USP33: variants seen among roughly 807,000 people sequenced by gnomAD.
USP33 encodes the protein ubiquitin specific peptidase 33.
A neutral mutation model predicts 124.2 loss-of-function variants in USP33; 46 were observed. The observed-to-expected ratio is 0.37, with a 90% CI of 0.29 to 0.47. USP33 has a LOEUF of 0.47. Among genes scored for constraint, USP33 ranks in the 20% least tolerant of loss-of-function variants. USP33 has a pLI of 0.99. For missense variants in USP33, 851 were observed against 1,070.6 expected (o/e 0.79, Z 2.86); for synonymous variants, 350 against 352.3 (o/e 0.99, Z 0.07).
chr1:77,714,969 ATCT>A, intron 18 of USP33, 186 bp from the exon 19 acceptor site: 1 of 568,518 alleles, frequency 1.8e-6, no homozygotes, highest in Non-Finnish European at 3.0e-6. Context: ...ATGAAACTGT[ATCT>A]TACCTACAGG....
chr1:77,718,149 T>G, intron 16 of USP33, 102 bp from the exon 17 acceptor site: 1 of 980,424 alleles, frequency 1.0e-6, no homozygotes, highest in Non-Finnish European at 1.5e-6. Flanking sequence ...AGCAAGAAAC[T>G]GAGGTGTTCA....
chr1:77,700,518 A>C (rs1443464336), intron 22 of USP33, among the ~76,000 whole-genome samples: 1 of 152,140 alleles, frequency 6.6e-6, no homozygotes, highest in Non-Finnish European at 1.5e-5. Context: ...TGGAGGTAGG[A>C]GGATCGCATG....
chr1:77,759,351 C>G (rs1476666983), intron 1 of USP33: 1 of 371,878 alleles, frequency 2.7e-6, no homozygotes, highest in East Asian at 3.9e-5. Flanking sequence ...GGCTCACCTG[C>G]ACCTCCCGCT....
At position 77,696,585 on chromosome 1, in the gene USP33, T is replaced by A. The variant is rs2101136262; in HGVS notation, c.*732A>T. On this transcript the variant is annotated 3_prime_UTR_variant, in exon 24 of 24. Coordinates refer to ENST00000370794, the MANE Select transcript of USP33 (RefSeq NM_201624.3). ...CTTTCAACTTAAAATAGGCTCTTTA[T>A]TATATGAAGCCATGACAAAACTATA... 6.6e-6 allele frequency: 1 copy of A among 152,514 alleles called. No homozygotes were observed. The highest frequency in any genetic ancestry group is 6.5e-5 in the Admixed American group (1 of 15,296). The allele number at this position is 152,514 out of a possible 1,614,324, so 9.4% of individuals were successfully genotyped here. A position where few individuals can be genotyped will look rare whatever the true frequency, so the allele number is the denominator to read the frequency against.
At chr1:77,742,608 G>C (rs763421127) in intron 1 of USP33, among the ~76,000 whole-genome samples, 12 of 152,156 alleles carry the variant, frequency 7.9e-5, no homozygotes, top group Non-Finnish European at 1.6e-4. Flanking sequence ...TAAAGCGAGT[G>C]ATTTCCAAAG....
chr1:77,715,094 C>G (rs978396952), intron 18 of USP33, among the ~76,000 whole-genome samples: 1 of 151,502 alleles, frequency 6.6e-6, no homozygotes, highest in South Asian at 2.1e-4. Context: ...TTATAAGATG[C>G]TAAAAAAAAA....
chr1:77,697,233 C>A lies in USP33; in HGVS notation c.*84G>T. 2 of 1,254,476 alleles carry A rather than the reference C, an allele frequency of 1.6e-6. No individual in the cohort carries two copies. Among genetic ancestry groups the A allele is most frequent in the Non-Finnish European group, 1.1e-6 (1 of 933,052 alleles). 77.7% of individuals were successfully genotyped at this position (1,254,476 alleles called of 1,614,324 possible). ...GATGAAAAAAAATAAAGCAAATAAACACGCTTTTAGGAATGTTTTCGCATG... is the reference window on the plus strand; with the variant it reads ...GATGAAAAAAAATAAAGCAAATAAAAACGCTTTTAGGAATGTTTTCGCATG... On this transcript the variant is annotated 3_prime_UTR_variant, in exon 24 of 24. Transcript: ENST00000370794.
chr1:77,715,772 T>G lies in USP33; in HGVS notation c.2015A>C (p.Gln672Pro). The change falls in exon 18 of 24, where the codon CAA becomes CCA. Residue 672 changes from glutamine (Q) to proline (P), a missense_variant. This residue lies in a region of USP33 where 281 missense variants were observed against 425.0 expected (regional missense o/e 0.66). Transcript: ENST00000370794. ...SVTEVSESTV[Q>P]NAEAYVLFYR... is the part of the protein sequence containing the mutation. Reference sequence around the variant, plus strand: ...GAAAAGAACGTAAGCTTCTGCATTTTGTACAGTAGATTCTGAAACTTCAGT... The same window carrying G: ...GAAAAGAACGTAAGCTTCTGCATTTGGTACAGTAGATTCTGAAACTTCAGT... 6.2e-7 allele frequency: 1 copy of G among 1,613,916 alleles called. No individual in the cohort carries two copies. The highest frequency in any genetic ancestry group is 8.5e-7 in the Non-Finnish European group (1 of 1,179,952).
intron 17 of USP33, 86 bp from the exon 18 acceptor site, chr1:77,715,954 G>T: frequency 7.4e-7 from 1 of 1,343,878 alleles, no homozygotes; most frequent in South Asian, 1.6e-5. Context: ...CCAGTGCCTA[G>T]CACAGTAGCT....
At chr1:77,753,832 A>AAT (rs1209649453) in intron 1 of USP33, among the ~76,000 whole-genome samples, 1 of 149,784 alleles carries the variant, frequency 6.7e-6, no homozygotes, top group Non-Finnish European at 1.5e-5. Context: ...ATAATACGTT[A>AAT]ATATATAATT....
chr1:77,744,957 G>A (rs1248153618), intron 1 of USP33, among the ~76,000 whole-genome samples: 4 of 152,228 alleles, frequency 2.6e-5, no homozygotes, highest in Non-Finnish European at 1.5e-5. Flanking sequence ...GTGCAGAGCT[G>A]AGTTCAATTC....
At chr1:77,711,358 C>T (rs1370192500) in intron 21 of USP33, 1 of 160,294 alleles carries the variant, frequency 6.2e-6, no homozygotes, top group Non-Finnish European at 1.4e-5. Flanking sequence ...AAAACCCTGT[C>T]TCTACTAAAA....
At chr1:77,698,310 C>T (rs1673628865) in intron 22 of USP33, among the ~76,000 whole-genome samples, 1 of 150,158 alleles carries the variant, frequency 6.7e-6, no homozygotes, top group African/African-American at 2.5e-5. Context: ...CCTGACCTCA[C>T]GATCTACCCA....
intron 18 of USP33, chr1:77,715,044 ATAAT>A (rs964427288): frequency 2.0e-5 from 6 of 298,146 alleles, no homozygotes; most frequent in East Asian, 1.9e-4. Flanking sequence ...ATCAAGCTAA[ATAAT>A]TAATCTGCTT....
chr1:77,742,116 T>A (rs550074860), intron 1 of USP33, among the ~76,000 whole-genome samples: 20 of 148,484 alleles, frequency 1.3e-4, no homozygotes, highest in East Asian at 3.9e-4. Context: ...TTTATCCTTT[T>A]AAAAAAAAAA....
chr1:77,715,030 T>C, intron 18 of USP33: 1 of 349,338 alleles, frequency 2.9e-6, no homozygotes, highest in Non-Finnish European at 5.1e-6. Flanking sequence ...TGTTTGTTAA[T>C]AAGATCAAGC....
intron 14 of USP33, 188 bp from the exon 15 acceptor site, chr1:77,721,393 A>G (rs748512786): frequency 8.2e-6 from 5 of 609,494 alleles, no homozygotes; most frequent in Admixed American, 6.4e-5. Flanking sequence ...GCCAACATTG[A>G]AGACCTACCT....
intron 1 of USP33, among the ~76,000 whole-genome samples, chr1:77,755,889 TAA>T (rs1167821146): frequency 6.6e-6 from 1 of 152,208 alleles, no homozygotes; most frequent in East Asian, 1.9e-4. Context: ...CCAGACATTA[TAA>T]GTTTGTGGGG....
chr1:77,710,870 T>TACTGACAACAGTACTG (rs1675171966), intron 21 of USP33, among the ~76,000 whole-genome samples: 1 of 152,214 alleles, frequency 6.6e-6, no homozygotes, highest in South Asian at 2.1e-4. Context: ...GGAGTTATGT[T>TACTGACAACAGTACTG]ACTGACAACA....
Sources: gnomAD v4.1 joint callset for allele counts (sites outside exome capture counted in the v4.1 genomes callset) on GRCh38, gnomAD v4.1.1 for gene constraint, gnomAD v4.1.1 regional missense constraint, MANE v1.5 for transcripts, NCBI Gene and HGNC (gene_info 2026-07-23, HGNC 2026-07-21) for gene names.